Variants in MYO18B observed in about 807,000 individuals in gnomAD.
The protein encoded by MYO18B is unconventional myosin-XVIIIb.
A neutral mutation model predicts 273.0 loss-of-function variants in MYO18B; 204 were observed. The observed-to-expected ratio is 0.75, with a 90% CI of 0.67 to 0.84. The LOEUF is 0.84. Ranked by LOEUF, MYO18B falls within the 40% of genes least tolerant of loss-of-function variation. The pLI is 0.00. For synonymous variants in MYO18B, 1,330 were observed against 1,305.7 expected (o/e 1.02, Z -0.40); for missense variants, 3,212 against 3,287.6 (o/e 0.98, Z 0.56).
In MYO18B at chr22:25,984,932, G is replaced by A. The variant is rs1601755216; in HGVS notation, c.6157-7431G>A. On this transcript the variant is annotated intron_variant, in intron 39 of 43. Coordinates refer to ENST00000335473, the MANE Select transcript of MYO18B (RefSeq NM_032608.7). ...TGGATTCTAGCCCCTGATTGCTTGG[G>A]TCTCTGCTATGATTGATTAGACATG... Among the ~76,000 whole-genome samples the A allele has an allele frequency of 5.9e-5, 9 of 152,284 alleles. No individual in the cohort carries two copies. In the South Asian group the frequency reaches 1.9e-3, roughly 32 times the overall value.
At chr22:25,785,837 T>G (rs1210590417) in intron 11 of MYO18B, among the ~76,000 whole-genome samples, 1 of 152,194 alleles carries the variant, frequency 6.6e-6, no homozygotes, top group Non-Finnish European at 1.5e-5. Flanking sequence ...GTAATGATAG[T>G]AGCAGTATCT....
At chr22:26,055,471 A>C in the MYO18B span, among the ~76,000 whole-genome samples, 1 of 152,240 alleles carries the variant, frequency 6.6e-6, no homozygotes, top group Non-Finnish European at 1.5e-5. Context: ...TTATTAAATC[A>C]GTAAATACTG....
the MYO18B span, among the ~76,000 whole-genome samples, chr22:26,041,388 T>G: frequency 6.9e-6 from 1 of 144,976 alleles, no homozygotes; most frequent in African/African-American, 2.6e-5. Context: ...CTAGAAAAAT[T>G]AGGCATGGTG....
At chr22:26,013,630 C>T (rs182103812) in intron 42 of MYO18B, among the ~76,000 whole-genome samples, 2 of 152,286 alleles carry the variant, frequency 1.3e-5, no homozygotes, top group Admixed American at 6.5e-5. Flanking sequence ...TTTATGTAAC[C>T]ATAAGCAGTG....
At position 25,796,652 on chromosome 22, in the gene MYO18B, C is replaced by G. The variant is rs143063777; in HGVS notation, c.2377-1301C>G. Among the ~76,000 whole-genome samples, 541 of 151,094 alleles carry G rather than the reference C, an allele frequency of 3.6e-3. 2 individuals are homozygous for G. The highest frequency in any genetic ancestry group is 0.012 in the African/African-American group (507 of 41,156). On this transcript the variant is annotated intron_variant, in intron 11 of 43. Coordinates refer to ENST00000335473, the MANE Select transcript of MYO18B (RefSeq NM_032608.7). ...CTATTGCTGCACGGAAGACAGAAAA[C>G]AAGTGCCATTTCCTTTAGTGGGAAA...
the MYO18B span, among the ~76,000 whole-genome samples, chr22:26,053,866 TG>T: frequency 6.6e-6 from 1 of 152,164 alleles, no homozygotes; most frequent in Non-Finnish European, 1.5e-5. Context: ...ATGATACAGA[TG>T]TGAGAAATCT....
At chr22:26,060,814 ACATG>A in the MYO18B span, among the ~76,000 whole-genome samples, 1 of 128,778 alleles carries the variant, frequency 7.8e-6, no homozygotes, top group African/African-American at 3.3e-5. Context: ...GCACATAAAC[ACATG>A]CATACATATA....
intron 34 of MYO18B, 90 bp downstream of exon 34, chr22:25,921,499 C>G (rs1403419912): frequency 4.1e-6 from 6 of 1,449,936 alleles, no homozygotes; most frequent in African/African-American, 1.4e-5. Context: ...ATGAGCGGAA[C>G]CATGGTGCCA....
chr22:26,027,168 C>G lies in MYO18B; in HGVS notation c.7194C>G (p.Asp2398Glu), dbSNP rs768425319. 4.0e-5 allele frequency: 64 copies of G among 1,613,852 alleles called. No individual in the cohort carries two copies. In the Middle Eastern group the frequency reaches 4.9e-4, roughly 12 times the overall value. The change falls in exon 43 of 44, where the codon GAC (aspartate) becomes GAG (glutamate). Residue 2398 changes from aspartate to glutamate, a missense_variant. Coordinates refer to ENST00000335473, the MANE Select transcript of MYO18B (RefSeq NM_032608.7). The surrounding 1 kb of genome is among the most constrained non-coding windows in gnomAD (Gnocchi z 4.1). ...ESSVDDAGCP[D>E]LGKEPLVFQN... ...CTGTGGACGATGCGGGCTGTCCAGA[C>G]CTTGGAAAGGAGCCGCTTGTTTTCC...
intron 34 of MYO18B, among the ~76,000 whole-genome samples, chr22:25,940,555 C>T (rs1369991979): frequency 6.6e-6 from 1 of 152,216 alleles, no homozygotes; most frequent in Non-Finnish European, 1.5e-5. Context: ...GATGGAGGTA[C>T]TGGGACTGAA....
At chr22:25,997,144 G>A (rs144730426) in intron 40 of MYO18B, among the ~76,000 whole-genome samples, 28 of 151,958 alleles carry the variant, frequency 1.8e-4, no homozygotes, top group African/African-American at 6.3e-4. Flanking sequence ...CCAACATGGT[G>A]AAACCCTGTC....
intron 12 of MYO18B, among the ~76,000 whole-genome samples, chr22:25,809,351 G>A (rs908552843): frequency 6.6e-6 from 1 of 152,160 alleles, no homozygotes; most frequent in Non-Finnish European, 1.5e-5. Flanking sequence ...CTCACCACTT[G>A]ACAGAAATGA....
rs776215960 is a variant in MYO18B, at chr22:25,798,101, C to T, written c.2521+4C>T. ...GGTGCGGCGGGGGCCTGCAAAGGTACGTCCTTCCTGCCGGGCTCACCTGGG... is the reference window on the plus strand; with the variant it reads ...GGTGCGGCGGGGGCCTGCAAAGGTATGTCCTTCCTGCCGGGCTCACCTGGG... On this transcript the variant is annotated splice_donor_region_variant and intron_variant, in intron 12 of 43. Transcript: ENST00000335473. 27 of 1,600,136 alleles carry T rather than the reference C, an allele frequency of 1.7e-5. No homozygotes were observed. Among genetic ancestry groups the T allele is most frequent in the Admixed American group, 1.2e-4 (7 of 59,390 alleles).
the MYO18B span, among the ~76,000 whole-genome samples, chr22:26,042,224 C>G: frequency 1.3e-5 from 2 of 152,208 alleles, no homozygotes; most frequent in Admixed American, 1.3e-4. Context: ...ACCTGGGACA[C>G]TTCTAAGACT....
At chr22:26,036,226 C>G in the MYO18B span, among the ~76,000 whole-genome samples, 2 of 152,186 alleles carry the variant, frequency 1.3e-5, no homozygotes, top group African/African-American at 4.8e-5. Context: ...ACTCCCACTC[C>G]CTGGACCTGG....
chr22:25,820,106 C>T (rs56014496), intron 12 of MYO18B, among the ~76,000 whole-genome samples: 2 of 3,916 alleles, frequency 5.1e-4, no homozygotes, highest in East Asian at 0.012. Context: ...ATCATCATCA[C>T]CATCATCATC....
chr22:25,913,583 T>G (rs1041929077), intron 33 of MYO18B, among the ~76,000 whole-genome samples: 4 of 152,200 alleles, frequency 2.6e-5, no homozygotes, highest in Non-Finnish European at 5.9e-5. Context: ...TTAGCCAGGA[T>G]GGTTTCGATC....
At chr22:25,795,907 T>C (rs1380668335) in intron 11 of MYO18B, among the ~76,000 whole-genome samples, 2 of 151,998 alleles carry the variant, frequency 1.3e-5, no homozygotes, top group Non-Finnish European at 2.9e-5. Flanking sequence ...AAAAGCCTGC[T>C]TCTAGTCTTG....
chr22:25,780,111 G>T lies in MYO18B; in HGVS notation c.2124G>T (p.Met708Ile). ...TCCGGGCCTTCGGCTCTGTGTCCAT[G>T]GCCCACAGCCGCAGTGCCACCCGGT... is the stretch of plus-strand genomic sequence containing the variant. ...TVLRAFGSVS[M>I]AHSRSATRFS... Residue 708 changes from methionine to isoleucine, a missense_variant, in exon 9 of 44, where the codon ATG (methionine) becomes ATT (isoleucine). Physicochemically the swap from Met to Ile is conservative, Grantham distance 10. Coordinates refer to ENST00000335473, the MANE Select transcript of MYO18B (RefSeq NM_032608.7). The T allele has an allele frequency of 6.2e-7, 1 of 1,602,702 alleles. No individual in the cohort carries two copies.
Sources: gnomAD v4.1 joint callset for allele counts (sites outside exome capture counted in the v4.1 genomes callset) on GRCh38, gnomAD v4.1.1 for gene constraint, Gnocchi (gnomAD v3.1) non-coding constraint, MANE v1.5 for transcripts, NCBI Gene and HGNC (gene_info 2026-07-23, HGNC 2026-07-21) for gene names.